NRXN3: variants seen among roughly 807,000 people sequenced by gnomAD.
NRXN3 encodes neurexin III.
Under a neutral mutation model 137.6 loss-of-function variants are expected in NRXN3, and 32 were observed. The ratio of observed to expected loss-of-function variants is 0.23; its 90% CI spans 0.18 to 0.31. The LOEUF (loss-of-function observed/expected upper bound fraction) is 0.31. Among genes scored for constraint, NRXN3 ranks in the 10% least tolerant of loss-of-function variants. NRXN3 has a pLI of 1.00. For synonymous variants in NRXN3, 798 were observed against 784.5 expected (o/e 1.02, Z -0.29); for missense variants, 1,574 against 2,062.5 (o/e 0.76, Z 4.59).
intron 4 of NRXN3, among the ~76,000 whole-genome samples, chr14:78,455,124 A>G (rs2094655683): frequency 1.3e-5 from 2 of 152,204 alleles, no homozygotes; most frequent in South Asian, 4.1e-4. Context: ...TAAGAGGAGC[A>G]TTGCCGTCTT....
chr14:79,757,837 G>A (rs1455954180), intron 19 of NRXN3, among the ~76,000 whole-genome samples: 1 of 152,132 alleles, frequency 6.6e-6, no homozygotes, highest in Non-Finnish European at 1.5e-5. Flanking sequence ...GGATCCCGTG[G>A]AGAGGCCTAT....
At chr14:79,605,416 G>A (rs574483525) in intron 16 of NRXN3, among the ~76,000 whole-genome samples, 1 of 152,250 alleles carries the variant, frequency 6.6e-6, no homozygotes, top group African/African-American at 2.4e-5. Flanking sequence ...TTAGGGTGTG[G>A]ATGGGATTCT....
intron 20 of NRXN3, among the ~76,000 whole-genome samples, chr14:79,834,472 T>C (rs1396480394): frequency 3.9e-5 from 6 of 152,150 alleles, no homozygotes; most frequent in Non-Finnish European, 8.8e-5. Flanking sequence ...TAGGTATTAT[T>C]TGTTTCTGGA....
intron 2 of NRXN3, among the ~76,000 whole-genome samples, chr14:78,276,912 A>T (rs1273826408): frequency 6.6e-6 from 1 of 152,228 alleles, no homozygotes; most frequent in African/African-American, 2.4e-5. Context: ...CATCAGTAAC[A>T]GTTAATGGAC....
intron 16 of NRXN3, chr14:79,611,971 T>G (rs1443512145): frequency 6.6e-6 from 1 of 152,202 alleles, no homozygotes; most frequent in Admixed American, 6.5e-5. Context: ...ATTAGGAAAT[T>G]TTCCATCTAG....
intron 15 of NRXN3, among the ~76,000 whole-genome samples, chr14:79,347,348 A>G (rs1405900403): frequency 2.6e-5 from 4 of 152,130 alleles, no homozygotes; most frequent in Non-Finnish European, 5.9e-5. Context: ...ACTGCCTGAT[A>G]AAGTGATTAT....
At chr14:78,543,619 G>C (rs2096612186) in intron 4 of NRXN3, among the ~76,000 whole-genome samples, 1 of 152,158 alleles carries the variant, frequency 6.6e-6, no homozygotes, top group Non-Finnish European at 1.5e-5. Context: ...GTGAGGTTAA[G>C]ATAAACACTG....
intron 15 of NRXN3, among the ~76,000 whole-genome samples, chr14:79,412,776 C>G (rs1016655503): frequency 2.3e-5 from 2 of 86,088 alleles, no homozygotes; most frequent in African/African-American, 9.8e-5. Flanking sequence ...GAGCAAGACT[C>G]TGTCTCAAAA....
intron 15 of NRXN3, among the ~76,000 whole-genome samples, chr14:79,338,215 G>A (rs2092390287): frequency 9.6e-6 from 1 of 103,740 alleles, no homozygotes; most frequent in Non-Finnish European, 1.9e-5. Flanking sequence ...GTGTGTGTAT[G>A]TGAGTGTGTG....
At chr14:79,499,571 G>C (rs998462557) in intron 16 of NRXN3, among the ~76,000 whole-genome samples, 10 of 152,182 alleles carry the variant, frequency 6.6e-5, no homozygotes, top group African/African-American at 2.4e-4. Context: ...GAAAAGGAAT[G>C]TGACTGTTTA....
intron 15 of NRXN3, among the ~76,000 whole-genome samples, chr14:79,163,029 T>C (rs1017184186): frequency 2.6e-5 from 4 of 151,952 alleles, no homozygotes; most frequent in Non-Finnish European, 5.9e-5. Context: ...CTGAATTAAC[T>C]CTTGAGTCAG....
intron 6 of NRXN3, among the ~76,000 whole-genome samples, chr14:78,694,954 C>A (rs2098211362): frequency 1.3e-5 from 2 of 151,852 alleles, no homozygotes; most frequent in African/African-American, 4.8e-5. Context: ...AATTTGGTAG[C>A]TTAAAAATAG....
intron 10 of NRXN3, among the ~76,000 whole-genome samples, chr14:78,941,578 C>T (rs2099353065): frequency 1.3e-5 from 2 of 152,208 alleles, no homozygotes; most frequent in South Asian, 4.1e-4. Context: ...ACCCATCACT[C>T]ACACATTCAT....
At chr14:78,231,877 A>G (rs1567029112) in intron 1 of NRXN3, among the ~76,000 whole-genome samples, 2 of 152,206 alleles carry the variant, frequency 1.3e-5, no homozygotes, top group African/African-American at 4.8e-5. Context: ...ACTGTGTAGC[A>G]GCCTTTCCAC....
chr14:78,501,635 A>G (rs1405933267), intron 4 of NRXN3, among the ~76,000 whole-genome samples: 1 of 152,188 alleles, frequency 6.6e-6, no homozygotes, highest in East Asian at 1.9e-4. Context: ...GTGAGCCATT[A>G]TAGAAGTTGT....
intron 15 of NRXN3, among the ~76,000 whole-genome samples, chr14:79,250,940 T>G (rs1167482992): frequency 1.3e-5 from 2 of 152,196 alleles, no homozygotes; most frequent in Non-Finnish European, 2.9e-5. Flanking sequence ...ATAGTAAGTT[T>G]CAGTAACTCA....
At chr14:79,612,253 C>T (rs192605390) in intron 16 of NRXN3, among the ~76,000 whole-genome samples, 1 of 152,244 alleles carries the variant, frequency 6.6e-6, no homozygotes, top group Non-Finnish European at 1.5e-5. Context: ...TTTGTGAGTG[C>T]TTGGAGGAAA....
chr14:78,547,473 A>C (rs1328368186), intron 4 of NRXN3, among the ~76,000 whole-genome samples: 1 of 151,988 alleles, frequency 6.6e-6, no homozygotes, highest in Admixed American at 6.6e-5. Context: ...CCAGGCATTC[A>C]TACTTTTATG....
chr14:78,549,900 A>G (rs12892757), intron 4 of NRXN3, among the ~76,000 whole-genome samples: 46,049 of 151,892 alleles, frequency 0.3, 7,209 homozygotes, highest in Middle Eastern at 0.36. Flanking sequence ...TTGAACATCA[A>G]GCTCCTCCCA....
Sources: gnomAD v4.1 joint callset for allele counts (sites outside exome capture counted in the v4.1 genomes callset) on GRCh38, gnomAD v4.1.1 for gene constraint, MANE v1.5 for transcripts, NCBI Gene and HGNC (gene_info 2026-07-23, HGNC 2026-07-21) for gene names.